Variants in ME1 observed in about 807,000 individuals in gnomAD.
The protein encoded by ME1 is malic enzyme 1.
A neutral mutation model predicts 66.4 loss-of-function variants in ME1; 74 were observed. That is an observed-to-expected ratio of 1.11 (90% confidence interval 0.92 to 1.35). The LOEUF is 1.35. Among genes scored for constraint, ME1 ranks in the 40% most tolerant of loss-of-function variants. ME1 has a pLI of 0.00. For missense variants in ME1, 750 were observed against 694.1 expected (o/e 1.08, Z -0.90); for synonymous variants, 251 against 235.6 (o/e 1.07, Z -0.60).
chr6:83,235,533 C>T (rs1034989704), intron 9 of ME1, among the ~76,000 whole-genome samples: 1 of 145,164 alleles, frequency 6.9e-6, no homozygotes. Context: ...TGCAGTGGCG[C>T]GATCTCGGCT....
intron 4 of ME1, among the ~76,000 whole-genome samples, chr6:83,349,647 C>T (rs554541189): frequency 2.0e-5 from 3 of 152,198 alleles, no homozygotes; most frequent in Non-Finnish European, 4.4e-5. Flanking sequence ...TCTTTTCCTG[C>T]TTTCTTGAAA....
At chr6:83,420,274 G>A (rs908455598) in intron 1 of ME1, among the ~76,000 whole-genome samples, 8 of 152,048 alleles carry the variant, frequency 5.3e-5, no homozygotes, top group African/African-American at 1.9e-4. Flanking sequence ...CACCATGTTG[G>A]CCAGGCTGGC....
chr6:83,388,886 T>G lies in ME1; in HGVS notation c.362+9481A>C, dbSNP rs115465596. Among the ~76,000 whole-genome samples the G allele has an allele frequency of 4.6e-3, 693 of 152,164 alleles. 6 individuals carry two copies. The highest frequency in any genetic ancestry group is 0.016 in the African/African-American group (656 of 41,516). ...ATCCCAGCACTTTGGGAGGCCAAGA[T>G]GGATGGATCTCTTGAGCCCAGAAGT... On this transcript the variant is annotated intron_variant, in intron 3 of 13. Coordinates refer to ENST00000369705, the MANE Select transcript of ME1 (RefSeq NM_002395.6).
intron 12 of ME1, among the ~76,000 whole-genome samples, chr6:83,220,180 G>A (rs1790064428): frequency 6.6e-6 from 1 of 152,136 alleles, no homozygotes; most frequent in Non-Finnish European, 1.5e-5. Flanking sequence ...GGATAGCTGA[G>A]TAAAGAAGAA....
chr6:83,277,730 C>T (rs1475525544), intron 6 of ME1, among the ~76,000 whole-genome samples: 2 of 151,748 alleles, frequency 1.3e-5, no homozygotes, highest in Admixed American at 6.6e-5. Flanking sequence ...GGTGAAACCC[C>T]GTCACTACCA....
chr6:83,380,873 C>A (rs1178513044), intron 3 of ME1, among the ~76,000 whole-genome samples: 1 of 151,980 alleles, frequency 6.6e-6, no homozygotes, highest in Non-Finnish European at 1.5e-5. Context: ...CAGAATAAAA[C>A]CTTGGCAAGA....
chr6:83,255,715 T>G (rs1477837637), intron 6 of ME1, among the ~76,000 whole-genome samples: 1 of 152,114 alleles, frequency 6.6e-6, no homozygotes, highest in Non-Finnish European at 1.5e-5. Context: ...TATATTCTGA[T>G]ATATAGTAGG....
At chr6:83,408,997 T>A (rs1269611420) in intron 1 of ME1, among the ~76,000 whole-genome samples, 2 of 152,138 alleles carry the variant, frequency 1.3e-5, no homozygotes, top group East Asian at 1.9e-4. Context: ...GATTAGGTCA[T>A]GAGAGCAGAC....
chr6:83,325,920 C>CA (rs113574841), intron 5 of ME1, among the ~76,000 whole-genome samples: 3,695 of 95,716 alleles, frequency 0.039, 122 homozygotes, highest in African/African-American at 0.095. Flanking sequence ...CAATCCTAAG[C>CA]AAAAAAAACA....
At chr6:83,227,570 A>C in intron 10 of ME1, 93 bp from the exon 11 acceptor site, 3 of 1,076,320 alleles carry the variant, frequency 2.8e-6, no homozygotes, top group Non-Finnish European at 3.9e-6. Context: ...CTATCAGCTC[A>C]TTTTCTAATA....
intron 3 of ME1, among the ~76,000 whole-genome samples, chr6:83,391,786 TG>T (rs1226237655): frequency 6.6e-6 from 1 of 152,118 alleles, no homozygotes; most frequent in East Asian, 1.9e-4. Flanking sequence ...GCCTTGGCAT[TG>T]GCTGTTCCTT....
Position 83,210,774 on chromosome 6 carries a change from A to G in ME1, c.*1150T>C, listed in dbSNP as rs1023634618. On this transcript the variant is annotated 3_prime_UTR_variant, in exon 14 of 14. Coordinates refer to ENST00000369705, the MANE Select transcript of ME1 (RefSeq NM_002395.6). Reference sequence around the variant, plus strand: ...TTGCACCTTAGCTTTATAATTTAAAATTTTTTCCATTACTTCAAACATTAG... The same window carrying G: ...TTGCACCTTAGCTTTATAATTTAAAGTTTTTTCCATTACTTCAAACATTAG... The G allele has an allele frequency of 6.6e-6, 1 of 152,178 alleles. No homozygotes were observed. Among genetic ancestry groups the G allele is most frequent in the African/African-American group, 2.4e-5 (1 of 41,456 alleles). The allele number at this position is 152,178 out of a possible 1,614,324, so 9.4% of individuals were successfully genotyped here.
At chr6:83,356,196 T>A (rs1768886498) in intron 3 of ME1, among the ~76,000 whole-genome samples, 1 of 152,164 alleles carries the variant, frequency 6.6e-6, no homozygotes, top group Admixed American at 6.6e-5. Flanking sequence ...ATGACCCTGA[T>A]CCTGGATCAG....
At chr6:83,342,338 T>C (rs1011749111) in intron 5 of ME1, among the ~76,000 whole-genome samples, 5 of 152,224 alleles carry the variant, frequency 3.3e-5, no homozygotes, top group Non-Finnish European at 7.3e-5. Flanking sequence ...TCCAATTCTT[T>C]GTTCACCAGT....
intron 5 of ME1, among the ~76,000 whole-genome samples, chr6:83,316,401 C>G (rs1434346787): frequency 6.6e-6 from 1 of 151,896 alleles, no homozygotes. Flanking sequence ...TCTCAGTAAA[C>G]TAGAAGCAGA....
chr6:83,403,031 TA>T (rs1408389320), intron 2 of ME1, among the ~76,000 whole-genome samples: 2 of 152,344 alleles, frequency 1.3e-5, no homozygotes, highest in Admixed American at 6.5e-5. Flanking sequence ...TAACATAAGA[TA>T]TACTGACTCT....
At chr6:83,294,753 C>T (rs978869973) in intron 6 of ME1, among the ~76,000 whole-genome samples, 1 of 152,166 alleles carries the variant, frequency 6.6e-6, no homozygotes, top group Non-Finnish European at 1.5e-5. Context: ...CTGTCTTCCA[C>T]AGTTCCCCCC....
intron 9 of ME1, among the ~76,000 whole-genome samples, chr6:83,233,545 C>T (rs1790341231): frequency 6.6e-6 from 1 of 151,856 alleles, no homozygotes; most frequent in Non-Finnish European, 1.5e-5. Flanking sequence ...AGAAAATATG[C>T]TGGAATAATA....
chr6:83,378,194 A>G (rs957211196), intron 3 of ME1, among the ~76,000 whole-genome samples: 13 of 144,118 alleles, frequency 9.0e-5, no homozygotes, highest in African/African-American at 3.2e-4. Flanking sequence ...AATTAATACA[A>G]TGGGGGGGTG....
Sources: allele counts gnomAD v4.1 joint callset (sites outside exome capture counted in the v4.1 genomes callset), GRCh38; gene constraint gnomAD v4.1.1; transcripts MANE v1.5; gene names NCBI Gene and HGNC (gene_info 2026-07-23, HGNC 2026-07-21).